SVEP1: variants seen among roughly 807,000 people sequenced by gnomAD.
The protein encoded by SVEP1 is sushi, von Willebrand factor type A, EGF and pentraxin domain containing 1.
SVEP1 carries 164 observed loss-of-function variants against 367.3 expected under a neutral mutation model. The observed-to-expected ratio is 0.45, with a 90% confidence interval of 0.39 to 0.51. The LOEUF is 0.51. Ranked by LOEUF, SVEP1 falls within the 20% of genes least tolerant of loss-of-function variation. The pLI is 0.00. For missense variants in SVEP1, 4,117 were observed against 4,425.3 expected (o/e 0.93, Z 1.98); for synonymous variants, 1,666 against 1,611.6 (o/e 1.03, Z -0.81).
intron 3 of SVEP1, among the ~76,000 whole-genome samples, chr9:110,528,156 G>GTGTGTGTGTA: frequency 3.5e-4 from 12 of 33,948 alleles, no homozygotes; most frequent in African/African-American, 6.3e-4. Context: ...GTGTGTGTGT[G>GTGTGTGTGTA]TATATATATA....
rs1221256057 is a variant in SVEP1, at chr9:110,466,011, C to T, written c.3176G>A (p.Gly1059Asp). 1 of 1,612,980 alleles carries T rather than the reference C, an allele frequency of 6.2e-7. No homozygotes were observed. Among genetic ancestry groups the T allele is most frequent in the African/African-American group, 1.3e-5 (1 of 74,852 alleles). The change falls in exon 18 of 48, where the codon GGC becomes GAC. Residue 1059 changes from glycine (G) to aspartate (D), a missense_variant. Around this residue, in one of 4 missense-constraint regions of SVEP1, gnomAD observed 2,174 missense variants for 2,494.3 expected, o/e 0.87. Coordinates refer to ENST00000374469, the MANE Select transcript of SVEP1 (RefSeq NM_153366.4). ...CTCAAGTCCACTGTATGAGTAGGTG[C>T]CTTGTTTACACTGAGCTGAAAAGAA... ...ISDCKAQCKQ[G>D]TYSYSGLETC...
intron 26 of SVEP1, among the ~76,000 whole-genome samples, chr9:110,445,111 G>T (rs917336583): frequency 1.3e-5 from 2 of 152,210 alleles, no homozygotes; most frequent in African/African-American, 2.4e-5. Flanking sequence ...TTATGAACCT[G>T]AAGTTTTGCC....
intron 34 of SVEP1, among the ~76,000 whole-genome samples, 165 bp downstream of exon 34, chr9:110,429,755 T>C (rs767486326): frequency 2.0e-5 from 3 of 152,200 alleles, no homozygotes; most frequent in East Asian, 1.9e-4. Flanking sequence ...TACCATTAAA[T>C]TATTGGATTA....
chr9:110,459,519 T>C (rs1013123751), intron 18 of SVEP1, among the ~76,000 whole-genome samples: 2 of 152,328 alleles, frequency 1.3e-5, no homozygotes, highest in African/African-American at 2.4e-5. Flanking sequence ...TTTGCTATTA[T>C]AAATAATGCT....
rs780204490 is a variant in SVEP1 at position 110,407,131 on chromosome 9, C to T, written c.8469G>A (p.Glu2823=). ...CCACAGGAATGCAAATGGGCTCATC[C>T]TCATCCCAGTTTTTGTCATCCTGGC... ...RTCQDDKNWD[E]DEPICIPVDC... is the part of the protein sequence containing the mutation. The change falls in exon 38 of 48, where the codon GAG becomes GAA. Residue 2823 remains glutamate (E), a synonymous_variant. Coordinates refer to ENST00000374469, the MANE Select transcript of SVEP1 (RefSeq NM_153366.4). 4 of 1,613,900 alleles carry T rather than the reference C, an allele frequency of 2.5e-6. No homozygotes were observed. Among genetic ancestry groups the T allele is most frequent in the South Asian group, 2.2e-5 (2 of 91,088 alleles).
chr9:110,395,344 T>A (rs1380435043), intron 40 of SVEP1, among the ~76,000 whole-genome samples: 1 of 152,114 alleles, frequency 6.6e-6, no homozygotes, highest in Non-Finnish European at 1.5e-5. Flanking sequence ...AAAGAGCTCC[T>A]GAAGGAAGCA....
rs776031040 is a variant in SVEP1, at chr9:110,406,866, C to T, written c.8734G>A (p.Glu2912Lys). ...TEGLDYGFMKEVTFHCHEGYI... is the reference protein window; with the variant it reads ...TEGLDYGFMKKVTFHCHEGYI... ...CCCTCGTGACAGTGGAATGTTACTT[C>T]CTTCATGAAGCCATAGTCCAGGCCT... is the stretch of plus-strand genomic sequence containing the variant. Residue 2912 changes from glutamate to lysine, a missense_variant, in exon 38 of 48, where the codon GAA (glutamate) becomes AAA (lysine). This residue lies in a region of SVEP1 where 1,765 missense variants were observed against 1,781.1 expected (regional missense o/e 0.99). Coordinates refer to ENST00000374469, the MANE Select transcript of SVEP1 (RefSeq NM_153366.4). The T allele has an allele frequency of 4.2e-5, 67 of 1,613,998 alleles. 3 individuals are homozygous for T. The South Asian group carries it at 7.4e-4, about 18-fold the overall frequency.
chr9:110,576,366 CA>C (rs1173854446), intron 1 of SVEP1, among the ~76,000 whole-genome samples: 2 of 151,916 alleles, frequency 1.3e-5, no homozygotes, highest in Non-Finnish European at 2.9e-5. Context: ...AATACAAAGT[CA>C]AATTACAAGA....
intron 2 of SVEP1, among the ~76,000 whole-genome samples, chr9:110,547,355 A>C (rs1830233110): frequency 6.6e-6 from 1 of 152,106 alleles, no homozygotes; most frequent in Non-Finnish European, 1.5e-5. Flanking sequence ...AGCAAGGAAA[A>C]CCTACTTGTC....
At chr9:110,390,277 A>T (rs1013800997) in intron 40 of SVEP1, among the ~76,000 whole-genome samples, 1 of 73,814 alleles carries the variant, frequency 1.4e-5, no homozygotes, top group South Asian at 3.8e-4. Context: ...ATATATACTT[A>T]TATATATACA....
Position 110,408,229 on chromosome 9 carries a change from G to A in SVEP1, c.7371C>T (p.Ala2457=). ...AGGTATAGAGAGCTGTGCTGAGATA[G>A]GCAAGGCCTTGCACATCAATGATTC... The part of the protein sequence containing the change: ...PNGIIDVQGL[A]YLSTALYTCK... Residue 2457 remains alanine (A), a synonymous_variant, in exon 38 of 48, where the codon GCC becomes GCT. Coordinates refer to ENST00000374469, the MANE Select transcript of SVEP1 (RefSeq NM_153366.4). 1 of 1,613,996 alleles carries A rather than the reference G, an allele frequency of 6.2e-7. No individual in the cohort carries two copies. Among genetic ancestry groups the A allele is most frequent in the Non-Finnish European group, 8.5e-7 (1 of 1,179,888 alleles).
chr9:110,483,295 A>G (rs1245903754), intron 10 of SVEP1, among the ~76,000 whole-genome samples: 2 of 152,192 alleles, frequency 1.3e-5, no homozygotes, highest in African/African-American at 4.8e-5. Context: ...CTCTAGAGCA[A>G]CATAAGCTTG....
At chr9:110,436,653 T>G in intron 27 of SVEP1, 149 bp from the exon 28 acceptor site, 1 of 1,165,452 alleles carries the variant, frequency 8.6e-7, no homozygotes, top group South Asian at 1.7e-5. Context: ...CTGCAGGTTT[T>G]ATCAATAAGA....
intron 1 of SVEP1, among the ~76,000 whole-genome samples, chr9:110,568,908 TG>T (rs1417240807): frequency 6.6e-6 from 1 of 152,100 alleles, no homozygotes; most frequent in Non-Finnish European, 1.5e-5. Context: ...AAGACCAGCC[TG>T]GGCAACATGG....
intron 1 of SVEP1, among the ~76,000 whole-genome samples, chr9:110,573,952 G>C (rs150310851): frequency 1.3e-5 from 2 of 152,108 alleles, no homozygotes; most frequent in East Asian, 1.9e-4. Context: ...GAGTGCTAGG[G>C]GGTGGTTCTG....
In SVEP1 at chr9:110,382,981, G is replaced by A. The variant is rs568220300; in HGVS notation, c.10237+2917C>T. Among the ~76,000 whole-genome samples, 100 of 152,190 alleles carry A rather than the reference G, an allele frequency of 6.6e-4. 2 individuals carry two copies. The South Asian group carries it at 0.019, about 29-fold the overall frequency. The stretch of plus-strand genomic sequence containing the variant: ...GTAATGTTTTATCCTGGTTCTTGGC[G>A]TCTTTGCATTGGTTTAGAACATGTT... On this transcript the variant is annotated intron_variant, in intron 43 of 47. Coordinates refer to ENST00000374469, the MANE Select transcript of SVEP1 (RefSeq NM_153366.4).
intron 46 of SVEP1, among the ~76,000 whole-genome samples, chr9:110,374,302 T>C (rs1415804328): frequency 6.6e-6 from 1 of 152,196 alleles, no homozygotes. Flanking sequence ...CCATCCATAT[T>C]CCACAAAGAA....
At chr9:110,494,671 C>G (rs1432169435) in intron 8 of SVEP1, among the ~76,000 whole-genome samples, 1 of 152,172 alleles carries the variant, frequency 6.6e-6, no homozygotes, top group African/African-American at 2.4e-5. Context: ...CAAGGATGTT[C>G]ATGACAGCAT....
chr9:110,476,850 C>T (rs1829103036), intron 13 of SVEP1, among the ~76,000 whole-genome samples: 1 of 152,114 alleles, frequency 6.6e-6, no homozygotes, highest in African/African-American at 2.4e-5. Flanking sequence ...GGAGGAAGGT[C>T]CTTCTCACTC....
Sources: gnomAD v4.1 joint callset for allele counts (sites outside exome capture counted in the v4.1 genomes callset) on GRCh38, gnomAD v4.1.1 for gene constraint, gnomAD v4.1.1 regional missense constraint, MANE v1.5 for transcripts, NCBI Gene and HGNC (gene_info 2026-07-23, HGNC 2026-07-21) for gene names.